The following RAB40C variants were observed in gnomAD, a reference collection of about 807,000 sequenced individuals.
RAB40C encodes the protein ras-related protein Rab-40C.
RAB40C carries 8 observed loss-of-function variants against 28.1 expected under a neutral mutation model. The ratio of observed to expected loss-of-function variants is 0.28; its 90% confidence interval spans 0.17 to 0.51. The LOEUF is 0.51. Ranked by LOEUF, RAB40C falls within the 20% of genes least tolerant of loss-of-function variation. The pLI is 0.97. For missense variants in RAB40C, 288 were observed against 405.9 expected (o/e 0.71, Z 2.50); for synonymous variants, 201 against 171.7 (o/e 1.17, Z -1.34).
chr16:621,890 G>A (rs994177742), intron 3 of RAB40C, among the ~76,000 whole-genome samples: 3 of 152,228 alleles, frequency 2.0e-5, no homozygotes, highest in Non-Finnish European at 4.4e-5. Flanking sequence ...GGAGGCACAC[G>A]TGCTGCTGGC....
intron 3 of RAB40C, among the ~76,000 whole-genome samples, chr16:622,502 C>T (rs1042178813): frequency 2.3e-4 from 35 of 152,156 alleles, no homozygotes; most frequent in African/African-American, 8.0e-4. Context: ...CTAGAGCACT[C>T]GCTCGTTCTT....
At chr16:617,144 C>A in intron 1 of RAB40C, 64 bp from the exon 2 acceptor site, 1 of 1,567,376 alleles carries the variant, frequency 6.4e-7, no homozygotes, top group Non-Finnish European at 8.8e-7. Flanking sequence ...GTGGCCGAGG[C>A]TGGTCTCGCG....
intron 3 of RAB40C, among the ~76,000 whole-genome samples, chr16:620,329 G>A (rs1276690131): frequency 6.6e-6 from 1 of 152,162 alleles, no homozygotes. Context: ...GGAGGTGGAG[G>A]TTGCAGTGAG....
intron 3 of RAB40C, among the ~76,000 whole-genome samples, chr16:620,142 C>G (rs550429687): frequency 7.1e-4 from 108 of 152,296 alleles, no homozygotes; most frequent in African/African-American, 2.2e-3. Flanking sequence ...CGCCTGTAAT[C>G]CCAGCACTTT....
chr16:616,333 T>TTTTATTTATTTA (rs57235517), intron 1 of RAB40C, among the ~76,000 whole-genome samples: 9,107 of 141,548 alleles, frequency 0.064, 425 homozygotes, highest in African/African-American at 0.11. Flanking sequence ...AGAAGCAGCA[T>TTTTATTTATTTA]TTTATTTATT....
In RAB40C at chr16:622,159, A is replaced by G. The variant is rs368123941; in HGVS notation, c.265-3273A>G. Among the ~76,000 whole-genome samples the G allele has an allele frequency of 2.0e-5, 3 of 152,340 alleles. No homozygotes were observed. The East Asian group carries it at 5.8e-4, about 29-fold the overall frequency. ...TTACAGCTCAGTAAAAAATGATAGC[A>G]AAAAGGACACCCACTCTTAGGCCCA... On this transcript the variant is annotated intron_variant, in intron 3 of 5. Transcript: ENST00000248139.
chr16:600,730 C>T (rs564927267), intron 1 of RAB40C, among the ~76,000 whole-genome samples: 4 of 152,258 alleles, frequency 2.6e-5, no homozygotes, highest in South Asian at 2.1e-4. Context: ...CCAGCCTGGG[C>T]GACAGAGTGA....
chr16:621,398 ACT>A, intron 3 of RAB40C, among the ~76,000 whole-genome samples: 1 of 151,970 alleles, frequency 6.6e-6, no homozygotes, highest in Middle Eastern at 3.4e-3. Flanking sequence ...GGGATTTGTC[ACT>A]CTGCCTCCCT....
Position 610,798 on chromosome 16 carries a change from C to T in RAB40C, c.143-6410C>T, listed in dbSNP as rs1450686001. On this transcript the variant is annotated intron_variant, in intron 1 of 5. Coordinates refer to ENST00000248139, the MANE Select transcript of RAB40C (RefSeq NM_021168.5). This position sits in a 1 kb window ranked among gnomAD's most constrained non-coding sequence, Gnocchi z 4.6. ...CCCTGCCTGGATAATTGAGACCTTC[C>T]AGGCCAAGGGCCCCCTCCCCAGGAT... Among the ~76,000 whole-genome samples the T allele has an allele frequency of 6.6e-6, 1 of 151,928 alleles. No individual in the cohort carries two copies. The highest frequency in any genetic ancestry group is 1.5e-5 in the Non-Finnish European group (1 of 67,994).
chr16:605,637 C>T (rs1363706898), intron 1 of RAB40C, among the ~76,000 whole-genome samples: 1 of 152,216 alleles, frequency 6.6e-6, no homozygotes. Flanking sequence ...CAGTTGCTCC[C>T]TCCTTCCCCG....
chr16:607,761 A>C lies in RAB40C; in HGVS notation c.143-9447A>C, dbSNP rs559821801. On this transcript the variant is annotated intron_variant, in intron 1 of 5. Coordinates refer to ENST00000248139, the MANE Select transcript of RAB40C (RefSeq NM_021168.5). Reference sequence around the variant, plus strand: ...AGCCGAGATCGCGCCACTGCACTCCAGCCTGGGCGACAGAGCAAGACTCCG... The same window carrying C: ...AGCCGAGATCGCGCCACTGCACTCCCGCCTGGGCGACAGAGCAAGACTCCG... Among the ~76,000 whole-genome samples, 34 of 152,336 alleles carry C rather than the reference A, an allele frequency of 2.2e-4. No homozygotes were observed. The South Asian group carries it at 6.0e-3, about 27-fold the overall frequency.
At chr16:605,852 C>T (rs994752453) in intron 1 of RAB40C, among the ~76,000 whole-genome samples, 5 of 152,030 alleles carry the variant, frequency 3.3e-5, no homozygotes, top group African/African-American at 9.6e-5. Flanking sequence ...GCTGCCAACC[C>T]GTTCTCCAAA....
rs1567196159 is a variant in RAB40C, at chr16:627,584, C to CA, written c.808_809insA (p.Pro270HisfsTer8). 6.2e-7 allele frequency: 1 copy of CA among 1,604,998 alleles called. No homozygotes were observed. Among genetic ancestry groups the CA allele is most frequent in the Non-Finnish European group, 8.5e-7 (1 of 1,174,274 alleles). On this transcript the variant is annotated frameshift_variant, in exon 6 of 6. Transcript: ENST00000248139. LOFTEE classifies it high-confidence loss of function. ...GTCCATCCGTCCACCCCAGAGCCCC[C>CA]CCCAGAACTGCTCGCGGAGTAACTG...
chr16:600,559 TGACCAACATGGTGAAA>T (rs2036228785), intron 1 of RAB40C, among the ~76,000 whole-genome samples: 1 of 152,220 alleles, frequency 6.6e-6, no homozygotes. Flanking sequence ...AAGACCGTTC[TGACCAACATGGTGAAA>T]CCCCGTCTCT....
At chr16:589,885 G>C (rs1033867366), upstream of RAB40C, 2 of 152,114 alleles carry the variant, frequency 1.3e-5, no homozygotes, top group African/African-American at 4.8e-5. Context: ...GGCGGCGGGC[G>C]ACCTCTGGTG....
chr16:615,202 A>G (rs568543939), intron 1 of RAB40C, among the ~76,000 whole-genome samples: 3 of 152,280 alleles, frequency 2.0e-5, no homozygotes, highest in African/African-American at 7.2e-5. Context: ...CTGTCCATTG[A>G]TGGTGTCCTT....
At chr16:625,287 A>T in intron 3 of RAB40C, 145 bp from the exon 4 acceptor site, 1 of 1,458,142 alleles carries the variant, frequency 6.9e-7, no homozygotes, top group Non-Finnish European at 9.1e-7. Flanking sequence ...CTCTGCCTGG[A>T]GGGCATGGCT....
chr16:612,023 T>C (rs71378523), intron 1 of RAB40C, among the ~76,000 whole-genome samples: 8 of 21,006 alleles, frequency 3.8e-4, no homozygotes, highest in East Asian at 2.5e-3. Context: ...CAGCCGCCTT[T>C]GCCTGTAGAA....
intron 1 of RAB40C, among the ~76,000 whole-genome samples, chr16:608,058 C>G (rs779871097): frequency 6.6e-5 from 10 of 152,142 alleles, no homozygotes; most frequent in Non-Finnish European, 1.5e-4. Flanking sequence ...CTCACCTGTT[C>G]TCACGCTGCT....
Sources: gnomAD v4.1 joint callset for allele counts (sites outside exome capture counted in the v4.1 genomes callset) on GRCh38, gnomAD v4.1.1 for gene constraint, Gnocchi (gnomAD v3.1) non-coding constraint, MANE v1.5 for transcripts, NCBI Gene and HGNC (gene_info 2026-07-23, HGNC 2026-07-21) for gene names.